KCNJ6: variants seen among roughly 807,000 people sequenced by gnomAD.
The protein encoded by KCNJ6 is G protein-activated inward rectifier potassium channel 2.
In KCNJ6, 9 loss-of-function variants were observed where a neutral mutation model predicts 34.2. That is an observed-to-expected ratio of 0.26 (90% CI 0.16 to 0.46). The LOEUF is 0.46. Among genes scored for constraint, KCNJ6 ranks in the 20% least tolerant of loss-of-function variants. The pLI is 1.00. For missense variants in KCNJ6, 236 were observed against 531.3 expected (o/e 0.44, Z 5.46); for synonymous variants, 196 against 207.1 (o/e 0.95, Z 0.46).
chr21:37,791,955 G>A (rs1309891620), intron 2 of KCNJ6, among the ~76,000 whole-genome samples: 1 of 152,236 alleles, frequency 6.6e-6, no homozygotes, highest in Non-Finnish European at 1.5e-5. Context: ...CTCTTCTAGC[G>A]ATAAAAATGT....
intron 3 of KCNJ6, among the ~76,000 whole-genome samples, chr21:37,710,558 G>T (rs1321727911): frequency 6.6e-6 from 1 of 152,232 alleles, no homozygotes; most frequent in Non-Finnish European, 1.5e-5. Flanking sequence ...ATTTGCCGAG[G>T]AGTGGGCAAG....
chr21:37,875,180 T>C (rs1278984745), intron 1 of KCNJ6, among the ~76,000 whole-genome samples: 1 of 152,130 alleles, frequency 6.6e-6, no homozygotes, highest in African/African-American at 2.4e-5. Flanking sequence ...GGAACACAGT[T>C]ATCCCCTTCC....
chr21:37,686,666 C>T (rs893051732), intron 3 of KCNJ6, among the ~76,000 whole-genome samples: 16 of 152,020 alleles, frequency 1.1e-4, no homozygotes, highest in African/African-American at 3.1e-4. Flanking sequence ...GGGGTTTCAG[C>T]ATGTTGGCCA....
chr21:37,906,790 A>G (rs1388238456), intron 1 of KCNJ6, among the ~76,000 whole-genome samples: 1 of 152,134 alleles, frequency 6.6e-6, no homozygotes, highest in Non-Finnish European at 1.5e-5. Context: ...TCCAATGACA[A>G]CACATAATGT....
intron 3 of KCNJ6, among the ~76,000 whole-genome samples, chr21:37,694,218 G>T (rs149079740): frequency 6.6e-6 from 1 of 152,196 alleles, no homozygotes; most frequent in Non-Finnish European, 1.5e-5. Flanking sequence ...CTGCTGTGGA[G>T]GTGACGATTG....
intron 3 of KCNJ6, among the ~76,000 whole-genome samples, chr21:37,706,095 T>G (rs1199635185): frequency 2.0e-5 from 3 of 152,286 alleles, no homozygotes; most frequent in South Asian, 4.1e-4. Context: ...GAACACACTT[T>G]GGCTTGTAAA....
intron 3 of KCNJ6, among the ~76,000 whole-genome samples, chr21:37,645,017 G>GT (rs71198881): frequency 0.019 from 2,526 of 130,798 alleles, 30 homozygotes; most frequent in Admixed American, 0.026. Context: ...AAACAGGTGG[G>GT]TTTTTTTTTT....
intron 2 of KCNJ6, among the ~76,000 whole-genome samples, chr21:37,750,749 G>A (rs1005733706): frequency 2.0e-5 from 3 of 152,150 alleles, no homozygotes; most frequent in Non-Finnish European, 1.5e-5. Flanking sequence ...GGCTAGGGGA[G>A]GGAGAGCATT....
At chr21:37,818,670 G>A (rs983625064) in intron 2 of KCNJ6, among the ~76,000 whole-genome samples, 2 of 152,284 alleles carry the variant, frequency 1.3e-5, no homozygotes, top group African/African-American at 2.4e-5. Context: ...GTCATAATGC[G>A]TTTTATCTTG....
chr21:37,729,337 G>C (rs372612469), intron 2 of KCNJ6, among the ~76,000 whole-genome samples: 302 of 62,530 alleles, frequency 4.8e-3, no homozygotes, highest in African/African-American at 0.015. Flanking sequence ...TTCTTTTTGG[G>C]GGGGGGGGCA....
chr21:37,808,477 T>A (rs546130531), intron 2 of KCNJ6, among the ~76,000 whole-genome samples: 16 of 152,212 alleles, frequency 1.1e-4, no homozygotes, highest in Admixed American at 5.2e-4. Flanking sequence ...CAAAGATACA[T>A]GAATCATCCA....
At chr21:37,764,728 G>T (rs1182115494) in intron 2 of KCNJ6, among the ~76,000 whole-genome samples, 4 of 152,204 alleles carry the variant, frequency 2.6e-5, no homozygotes, top group Non-Finnish European at 4.4e-5. Context: ...CAGGCAGTCT[G>T]CAGTCAGTTG....
intron 3 of KCNJ6, among the ~76,000 whole-genome samples, chr21:37,628,664 A>G (rs535720639): frequency 1.3e-5 from 2 of 152,344 alleles, no homozygotes; most frequent in South Asian, 2.1e-4. Context: ...AATGAAAACC[A>G]TTAATCTATA....
chr21:37,609,597 G>C lies in KCNJ6; in HGVS notation c.*15562C>G, dbSNP rs1249183920. On this transcript the variant is annotated 3_prime_UTR_variant, in exon 4 of 4. Transcript: ENST00000609713. Reference sequence around the variant, plus strand: ...ATTATCTTATGATTAATAATGAAAAGTGGCCACTATTTTCCATTACTGGTA... The same window carrying C: ...ATTATCTTATGATTAATAATGAAAACTGGCCACTATTTTCCATTACTGGTA... 1 of 152,130 alleles carries C rather than the reference G, an allele frequency of 6.6e-6. No individual in the cohort carries two copies. Among genetic ancestry groups the C allele is most frequent in the Non-Finnish European group, 1.5e-5 (1 of 68,024 alleles). 9.4% of individuals were successfully genotyped at this position (152,130 alleles called of 1,614,324 possible). A position where few individuals can be genotyped will look rare whatever the true frequency, so the allele number is the denominator to read the frequency against.
chr21:37,680,523 AG>A (rs1413375558), intron 3 of KCNJ6, among the ~76,000 whole-genome samples: 1 of 152,222 alleles, frequency 6.6e-6, no homozygotes, highest in Non-Finnish European at 1.5e-5. Context: ...CTTCCGTGAG[AG>A]TGGTTCTGGA....
At chr21:37,636,218 T>G (rs1372417871) in intron 3 of KCNJ6, among the ~76,000 whole-genome samples, 1 of 152,188 alleles carries the variant, frequency 6.6e-6, no homozygotes, top group Non-Finnish European at 1.5e-5. Flanking sequence ...TCTTCTTTAC[T>G]CACTTCAGAT....
At chr21:37,774,144 G>C (rs923582863) in intron 2 of KCNJ6, among the ~76,000 whole-genome samples, 1 of 152,134 alleles carries the variant, frequency 6.6e-6, no homozygotes, top group African/African-American at 2.4e-5. Context: ...GTAAGAGTGA[G>C]GGTTCTGGAG....
chr21:37,844,340 A>T lies in KCNJ6; in HGVS notation c.-27-3631T>A, dbSNP rs115156777. ...CCCAAAATGCTGGGATTACAGGCTG[A>T]GCCACCGTGCCCGGCCTACTTTGCA... On this transcript the variant is annotated intron_variant, in intron 1 of 3. Transcript: ENST00000609713. 1.3e-3 allele frequency among the ~76,000 whole-genome samples: 201 copies of T among 152,170 alleles called. 2 individuals are homozygous for T. The highest frequency in any genetic ancestry group is 2.0e-3 in the Non-Finnish European group (137 of 68,012).
intron 2 of KCNJ6, among the ~76,000 whole-genome samples, chr21:37,839,490 C>T (rs2055468309): frequency 6.6e-6 from 1 of 152,156 alleles, no homozygotes; most frequent in Admixed American, 6.5e-5. Flanking sequence ...ACTTACCATG[C>T]TACAGAGGAA....
Sources: allele counts gnomAD v4.1 joint callset (sites outside exome capture counted in the v4.1 genomes callset), GRCh38; gene constraint gnomAD v4.1.1; transcripts MANE v1.5; gene names NCBI Gene and HGNC (gene_info 2026-07-23, HGNC 2026-07-21).